The following SPOCK1 variants were observed in gnomAD, a reference collection of about 807,000 sequenced individuals.
SPOCK1 encodes the protein testican-1.
SPOCK1 carries 23 observed loss-of-function variants against 55.3 expected under a neutral mutation model. The observed-to-expected ratio is 0.42, with a 90% CI of 0.30 to 0.59. The LOEUF (loss-of-function observed/expected upper bound fraction) is 0.59. Among genes scored for constraint, SPOCK1 ranks in the 20% least tolerant of loss-of-function variants. The pLI is 0.22. For synonymous variants in SPOCK1, 226 were observed against 221.0 expected, an observed-to-expected ratio of 1.02 and a Z score of -0.20; for missense variants, 499 against 552.5, an observed-to-expected ratio of 0.90 and a Z score of 0.97.
chr5:137,470,000 T>C (rs940779837), intron 2 of SPOCK1, among the ~76,000 whole-genome samples: 6 of 152,158 alleles, frequency 3.9e-5, no homozygotes, highest in Non-Finnish European at 5.9e-5. Flanking sequence ...AGAACACTCT[T>C]CACTCCATGA....
chr5:137,104,810 G>C (rs1753334158), intron 5 of SPOCK1, among the ~76,000 whole-genome samples: 1 of 152,076 alleles, frequency 6.6e-6, no homozygotes, highest in Non-Finnish European at 1.5e-5. Flanking sequence ...ATGGTGAGTT[G>C]TATAATTATT....
chr5:137,050,595 C>T (rs138326217), intron 6 of SPOCK1, among the ~76,000 whole-genome samples: 1,548 of 151,882 alleles, frequency 0.01, 33 homozygotes, highest in African/African-American at 0.036. Flanking sequence ...AGAAATCACC[C>T]GTCTTCTGCG....
At chr5:137,231,293 C>A (rs1426488742) in intron 3 of SPOCK1, among the ~76,000 whole-genome samples, 1 of 152,182 alleles carries the variant, frequency 6.6e-6, no homozygotes, top group Non-Finnish European at 1.5e-5. Flanking sequence ...GATGGAGACC[C>A]ACTTCAGCCT....
intron 2 of SPOCK1, among the ~76,000 whole-genome samples, chr5:137,443,023 G>C (rs1269145445): frequency 6.6e-6 from 1 of 152,154 alleles, no homozygotes; most frequent in Non-Finnish European, 1.5e-5. Flanking sequence ...CCCTAAAGGA[G>C]GAGGTTTTCT....
intron 2 of SPOCK1, among the ~76,000 whole-genome samples, chr5:137,317,398 C>T (rs1321839972): frequency 6.6e-6 from 1 of 152,142 alleles, no homozygotes; most frequent in Non-Finnish European, 1.5e-5. Flanking sequence ...GGGGATTCGT[C>T]CCTGACCTAT....
chr5:137,014,444 T>C (rs1013727330), intron 6 of SPOCK1, among the ~76,000 whole-genome samples: 1 of 152,182 alleles, frequency 6.6e-6, no homozygotes, highest in African/African-American at 2.4e-5. Context: ...AGGGGTGTGG[T>C]CTAAAGACAT....
intron 5 of SPOCK1, among the ~76,000 whole-genome samples, chr5:137,093,428 T>G (rs1753082938): frequency 6.6e-6 from 1 of 152,208 alleles, no homozygotes; most frequent in African/African-American, 2.4e-5. Flanking sequence ...ATTCACAGTG[T>G]TTACTGAGAA....
At chr5:137,075,997 G>A (rs576819368) in intron 5 of SPOCK1, among the ~76,000 whole-genome samples, 80 of 152,346 alleles carry the variant, frequency 5.3e-4, no homozygotes, top group African/African-American at 1.7e-3. Context: ...GATGAGGAAG[G>A]ACTTGAAGTT....
At chr5:136,997,334 G>C (rs1256214590) in intron 6 of SPOCK1, among the ~76,000 whole-genome samples, 1 of 152,034 alleles carries the variant, frequency 6.6e-6, no homozygotes, top group Non-Finnish European at 1.5e-5. Context: ...AGTCTCCAAT[G>C]CCACCACTAC....
At chr5:137,152,725 C>T (rs565424302) in intron 3 of SPOCK1, among the ~76,000 whole-genome samples, 1 of 152,242 alleles carries the variant, frequency 6.6e-6, no homozygotes, top group South Asian at 2.1e-4. Context: ...CTTGAAACTT[C>T]CCTTCCAGAA....
intron 3 of SPOCK1, among the ~76,000 whole-genome samples, chr5:137,251,222 G>A (rs149430072): frequency 2.6e-5 from 4 of 152,322 alleles, no homozygotes; most frequent in South Asian, 2.1e-4. Flanking sequence ...CACTGAAAAC[G>A]TAAAGTCCTC....
At chr5:137,277,408 A>G (rs1757087536) in intron 2 of SPOCK1, among the ~76,000 whole-genome samples, 1 of 152,222 alleles carries the variant, frequency 6.6e-6, no homozygotes, top group Non-Finnish European at 1.5e-5. Flanking sequence ...AGTGAGAAGC[A>G]GAACCAGGAT....
intron 2 of SPOCK1, among the ~76,000 whole-genome samples, chr5:137,421,578 T>C (rs1752496218): frequency 6.6e-6 from 1 of 152,222 alleles, no homozygotes; most frequent in African/African-American, 2.4e-5. Flanking sequence ...TTTTGATCTT[T>C]GTTGGTTTGA....
chr5:137,184,753 C>T (rs1755034323), intron 3 of SPOCK1, among the ~76,000 whole-genome samples: 1 of 152,130 alleles, frequency 6.6e-6, no homozygotes, highest in Non-Finnish European at 1.5e-5. Flanking sequence ...CCCAGCCTCT[C>T]TCCAACTCCT....
chr5:137,400,375 G>T (rs1374724869), intron 2 of SPOCK1, among the ~76,000 whole-genome samples: 1 of 152,190 alleles, frequency 6.6e-6, no homozygotes, highest in South Asian at 2.1e-4. Flanking sequence ...TCGCAGAGAA[G>T]GGGCTCAAGC....
intron 10 of SPOCK1, 30 bp downstream of exon 10, chr5:136,979,302 T>C: frequency 1.2e-6 from 2 of 1,613,384 alleles, no homozygotes; most frequent in South Asian, 2.2e-5. Context: ...CCCAGGTCAT[T>C]GTGGGGCTCA....
chr5:137,016,647 A>G (rs74319472), intron 6 of SPOCK1, among the ~76,000 whole-genome samples: 2,125 of 152,332 alleles, frequency 0.014, 54 homozygotes, highest in African/African-American at 0.049. Flanking sequence ...TTCTTGCACA[A>G]TTTTTATCAC....
At chr5:137,370,329 G>A (rs544581633) in intron 2 of SPOCK1, among the ~76,000 whole-genome samples, 3 of 152,152 alleles carry the variant, frequency 2.0e-5, no homozygotes, top group Admixed American at 6.5e-5. Context: ...GACCGAGTCC[G>A]GTGATTTTCC....
chr5:137,171,686 A>G (rs1754757343), intron 3 of SPOCK1, among the ~76,000 whole-genome samples: 1 of 152,142 alleles, frequency 6.6e-6, no homozygotes, highest in Non-Finnish European at 1.5e-5. Context: ...AAGAGAGGAA[A>G]ACCTCACGCT....
Sources: allele counts gnomAD v4.1 joint callset (sites outside exome capture counted in the v4.1 genomes callset), GRCh38; gene constraint gnomAD v4.1.1; transcripts MANE v1.5; gene names NCBI Gene and HGNC (gene_info 2026-07-23, HGNC 2026-07-21).